DLGAP2: variants seen among roughly 807,000 people sequenced by gnomAD.
DLGAP2 encodes disks large-associated protein 2.
In DLGAP2, 26 loss-of-function variants were observed where a neutral mutation model predicts 100.3. That is an observed-to-expected ratio of 0.26 (90% CI 0.19 to 0.36). The LOEUF (loss-of-function observed/expected upper bound fraction) is 0.36. Ranked by LOEUF, DLGAP2 falls within the 10% of genes least tolerant of loss-of-function variation. DLGAP2 has a pLI of 1.00. For missense variants in DLGAP2, 1,858 were observed against 1,453.2 expected (o/e 1.28, Z -4.53); for synonymous variants, 886 against 630.1 (o/e 1.41, Z -6.08).
At chr8:1,200,782 G>A (rs1159631016) in intron 2 of DLGAP2, among the ~76,000 whole-genome samples, 2 of 151,794 alleles carry the variant, frequency 1.3e-5, no homozygotes, top group African/African-American at 2.4e-5. Context: ...CTTGCTGGAC[G>A]GAAGCTTCCA....
At position 1,370,461 on chromosome 8, in the gene DLGAP2, T is replaced by C. The variant is rs139835453; in HGVS notation, c.106+111578T>C. Among the ~76,000 whole-genome samples, 17 of 152,334 alleles carry C rather than the reference T, an allele frequency of 1.1e-4. No homozygotes were observed. The East Asian group carries it at 2.7e-3, about 24-fold the overall frequency. On this transcript the variant is annotated intron_variant, in intron 3 of 14. Coordinates refer to ENST00000637795, the MANE Select transcript of DLGAP2 (RefSeq NM_001346810.2). Reference sequence around the variant, plus strand: ...AGGTGGAAAATGAACTTAAAATAGGTTGGGGCATTCCACTCTCCTTTATCT... The same window carrying C: ...AGGTGGAAAATGAACTTAAAATAGGCTGGGGCATTCCACTCTCCTTTATCT...
intron 5 of DLGAP2, among the ~76,000 whole-genome samples, chr8:1,564,121 G>A (rs900453555): frequency 3.3e-5 from 5 of 152,154 alleles, no homozygotes; most frequent in African/African-American, 9.7e-5. Context: ...TACACTCAGC[G>A]ACTGCATGCT....
intron 1 of DLGAP2, among the ~76,000 whole-genome samples, chr8:750,047 AT>A (rs1820751715): frequency 6.6e-6 from 1 of 152,246 alleles, no homozygotes; most frequent in Non-Finnish European, 1.5e-5. Flanking sequence ...GCCCCGGGTT[AT>A]CCCCTCATCA....
In DLGAP2 at chr8:917,501, G is replaced by A. The variant is rs191447325; in HGVS notation, c.73+9535G>A. ...TGTGCTCCTGCCTTGGCCTCCCAAA[G>A]TGCTGGAATTACAGGTGCGAGCTAC... On this transcript the variant is annotated intron_variant, in intron 2 of 14. Coordinates refer to ENST00000637795, the MANE Select transcript of DLGAP2 (RefSeq NM_001346810.2). 3.7e-3 allele frequency among the ~76,000 whole-genome samples: 568 copies of A among 152,232 alleles called. 4 individuals are homozygous for A. Among genetic ancestry groups the A allele is most frequent in the African/African-American group, 0.013 (550 of 41,542 alleles).
intron 2 of DLGAP2, among the ~76,000 whole-genome samples, chr8:1,135,628 C>T (rs1032712991): frequency 3.4e-5 from 5 of 146,568 alleles, no homozygotes; most frequent in Non-Finnish European, 4.5e-5. Flanking sequence ...CAAGGTGATC[C>T]CTTCCTCACT....
intron 3 of DLGAP2, among the ~76,000 whole-genome samples, chr8:1,481,980 T>C (rs909602315): frequency 3.9e-5 from 6 of 152,206 alleles, no homozygotes; most frequent in African/African-American, 1.4e-4. Flanking sequence ...GGGGCCCCAA[T>C]GACTGCTCTC....
intron 2 of DLGAP2, among the ~76,000 whole-genome samples, chr8:1,098,232 C>T (rs1355166666): frequency 6.6e-6 from 1 of 152,254 alleles, no homozygotes; most frequent in African/African-American, 2.4e-5. Flanking sequence ...CTCCGCACAC[C>T]AGTTTGTTTC....
At chr8:1,070,365 C>A in intron 2 of DLGAP2, among the ~76,000 whole-genome samples, 1 of 152,320 alleles carries the variant, frequency 6.6e-6, no homozygotes, top group East Asian at 1.9e-4. Flanking sequence ...TGGGCTCGTC[C>A]TGCCATGGCC....
chr8:1,272,364 G>A (rs887503918), intron 3 of DLGAP2, among the ~76,000 whole-genome samples: 7 of 152,026 alleles, frequency 4.6e-5, no homozygotes, highest in African/African-American at 1.7e-4. Flanking sequence ...CAAAAAGTGA[G>A]ATTGAGCTGG....
At chr8:1,176,837 C>T (rs1190617442) in intron 2 of DLGAP2, among the ~76,000 whole-genome samples, 2 of 152,182 alleles carry the variant, frequency 1.3e-5, no homozygotes. Context: ...CACCCTCTGG[C>T]TTCTTTCCAC....
At chr8:1,498,379 TAAA>T (rs55865222) in intron 3 of DLGAP2, among the ~76,000 whole-genome samples, 1 of 148,862 alleles carries the variant, frequency 6.7e-6, no homozygotes, top group East Asian at 2.0e-4. Context: ...GCAAAATAAA[TAAA>T]AAAAAAAAAA....
chr8:921,818 G>A (rs1473441010), intron 2 of DLGAP2, among the ~76,000 whole-genome samples: 4 of 152,262 alleles, frequency 2.6e-5, no homozygotes, highest in Non-Finnish European at 5.9e-5. Context: ...GGCCAGCCAA[G>A]GGAGCCGGGC....
At chr8:1,088,464 A>G (rs1804050897) in intron 2 of DLGAP2, among the ~76,000 whole-genome samples, 1 of 152,218 alleles carries the variant, frequency 6.6e-6, no homozygotes, top group Non-Finnish European at 1.5e-5. Context: ...CCGGAAATTC[A>G]GAAAACAGCT....
chr8:1,498,611 G>A (rs1439603468), intron 3 of DLGAP2, among the ~76,000 whole-genome samples: 19 of 152,186 alleles, frequency 1.2e-4, no homozygotes, highest in Admixed American at 1.0e-3. Context: ...CTGTGCAGCC[G>A]TGATAAAGCT....
intron 1 of DLGAP2, among the ~76,000 whole-genome samples, chr8:899,577 A>T (rs533609239): frequency 6.6e-6 from 1 of 152,312 alleles, no homozygotes; most frequent in East Asian, 1.9e-4. Flanking sequence ...AATGCCATAG[A>T]AGGGAGGCCA....
intron 4 of DLGAP2, among the ~76,000 whole-genome samples, chr8:1,517,641 G>A (rs1800439774): frequency 2.0e-5 from 3 of 152,188 alleles, no homozygotes; most frequent in Admixed American, 6.5e-5. Flanking sequence ...CTGCTAAAAT[G>A]CACCACACAG....
chr8:814,920 AT>A (rs1003039097), intron 1 of DLGAP2, among the ~76,000 whole-genome samples: 3 of 151,672 alleles, frequency 2.0e-5, no homozygotes, highest in African/African-American at 7.3e-5. Context: ...CTTGGTAGAT[AT>A]TTATAGATCA....
chr8:776,777 G>C (rs1821530380), intron 1 of DLGAP2, among the ~76,000 whole-genome samples: 1 of 152,162 alleles, frequency 6.6e-6, no homozygotes, highest in Non-Finnish European at 1.5e-5. Flanking sequence ...CAAGTATGTG[G>C]TCAGTTTTGG....
intron 2 of DLGAP2, chr8:1,002,236 C>T (rs1800981055): frequency 6.6e-6 from 1 of 152,170 alleles, no homozygotes; most frequent in Non-Finnish European, 1.5e-5. Context: ...TTCAAAGGCA[C>T]TGCTGCACAG....
Sources: allele counts gnomAD v4.1 joint callset (sites outside exome capture counted in the v4.1 genomes callset), GRCh38; gene constraint gnomAD v4.1.1; transcripts MANE v1.5; gene names NCBI Gene and HGNC (gene_info 2026-07-23, HGNC 2026-07-21).